The following MYH11 variants were observed in gnomAD, a reference collection of about 807,000 sequenced individuals.
The protein encoded by MYH11 is myosin-11.
Under a neutral mutation model 246.6 loss-of-function variants are expected in MYH11, and 80 were observed. The observed-to-expected ratio is 0.32, with a 90% CI of 0.27 to 0.39. The LOEUF is 0.39. Among genes scored for constraint, MYH11 ranks in the 10% least tolerant of loss-of-function variants. The pLI is 1.00. For synonymous variants in MYH11, 1,071 were observed against 1,015.5 expected (o/e 1.05, Z -1.04); for missense variants, 2,158 against 2,546.8 (o/e 0.85, Z 3.29).
chr16:15,712,942 C>T (rs2039903564), intron 40 of MYH11: 1 of 144,512 alleles, frequency 6.9e-6, no homozygotes. Flanking sequence ...CAACCTCTCT[C>T]TCCCGGTTTT....
At chr16:15,786,558 G>T (rs1405374098) in intron 5 of MYH11, 72 bp downstream of exon 5, 2 of 1,354,678 alleles carry the variant, frequency 1.5e-6, no homozygotes, top group Non-Finnish European at 1.1e-6. Context: ...TGTTCTGTTT[G>T]TATCTCGGTT....
intron 26 of MYH11, among the ~76,000 whole-genome samples, chr16:15,734,775 A>G (rs143427498): frequency 0.015 from 2,241 of 152,280 alleles, 45 homozygotes; most frequent in African/African-American, 0.045. Context: ...AGCTATTATT[A>G]GTGTTAGTGT....
In MYH11 at chr16:15,727,558, C is replaced by T. The variant is rs144738954; in HGVS notation, c.3652-504G>A. 5.9e-5 allele frequency among the ~76,000 whole-genome samples: 9 copies of T among 152,270 alleles called. No individual in the cohort carries two copies. In the East Asian group the frequency reaches 1.2e-3, roughly 20 times the overall value. ...GGGTTGCAATCTGGAATCCCACAAG[C>T]GGTATCCAACCTGCTGACATGTCCC... On this transcript the variant is annotated intron_variant, in intron 27 of 40. Coordinates refer to ENST00000300036, the MANE Select transcript of MYH11 (RefSeq NM_002474.3).
At chr16:15,738,416 G>A in intron 24 of MYH11, 149 bp downstream of exon 24, 1 of 690,004 alleles carries the variant, frequency 1.4e-6, no homozygotes, top group Non-Finnish European at 2.3e-6. Flanking sequence ...AGGAGGCTGA[G>A]GCAGGAGGAT....
intron 28 of MYH11, chr16:15,725,725 T>C: frequency 2.5e-6 from 1 of 398,802 alleles, no homozygotes; most frequent in Non-Finnish European, 4.4e-6. Context: ...GCTGTGGACA[T>C]GTTAAACATT....
chr16:15,720,388 C>G (rs999698534), intron 33 of MYH11, 76 bp from the exon 34 acceptor site: 1 of 1,538,458 alleles, frequency 6.5e-7, no homozygotes. Flanking sequence ...CAGCACATCA[C>G]TGCACCCCTT....
intron 8 of MYH11, among the ~76,000 whole-genome samples, chr16:15,772,595 C>T (rs997352770): frequency 1.1e-4 from 16 of 152,056 alleles, no homozygotes; most frequent in African/African-American, 3.9e-4. Context: ...GTACAATAGG[C>T]TTGCTATATA....
In MYH11 at chr16:15,727,066, A is replaced by T. The variant is rs1378688228; in HGVS notation, c.3652-12T>A. 3.7e-6 allele frequency: 6 copies of T among 1,612,470 alleles called. No homozygotes were observed. In the South Asian group the frequency reaches 6.6e-5, roughly 18 times the overall value. On this transcript the variant is annotated splice_polypyrimidine_tract_variant and intron_variant, in intron 27 of 40. Coordinates refer to ENST00000300036, the MANE Select transcript of MYH11 (RefSeq NM_002474.3). ...AGGTTCGCCTTGGCCTGGCGAAGGAAGCAGAGGGGAGGGATAACAGGGAGG... is the reference window on the plus strand; with the variant it reads ...AGGTTCGCCTTGGCCTGGCGAAGGATGCAGAGGGGAGGGATAACAGGGAGG...
intron 1 of MYH11, among the ~76,000 whole-genome samples, chr16:15,844,874 G>A (rs572709154): frequency 2.0e-5 from 3 of 152,094 alleles, no homozygotes; most frequent in Non-Finnish European, 2.9e-5. Context: ...CACAGAGAAC[G>A]AGAACATTTC....
chr16:15,717,042 G>T, intron 38 of MYH11, 98 bp downstream of exon 38: 1 of 1,317,314 alleles, frequency 7.6e-7, no homozygotes. Context: ...CTTCTTACAA[G>T]CCAGAACTGA....
intron 1 of MYH11, among the ~76,000 whole-genome samples, chr16:15,850,795 T>G (rs1234700142): frequency 1.3e-5 from 2 of 152,048 alleles, no homozygotes; most frequent in Non-Finnish European, 2.9e-5. Context: ...CTCGGGAGGC[T>G]GAGGTGGGAA....
At chr16:15,721,389 CAT>C in intron 32 of MYH11, 31 bp downstream of exon 32, 1 of 1,610,664 alleles carries the variant, frequency 6.2e-7, no homozygotes. Flanking sequence ...GCAGGCGAAA[CAT>C]GGACGAGAAA....
chr16:15,851,662 C>T (rs952494905), intron 1 of MYH11, among the ~76,000 whole-genome samples: 2 of 152,164 alleles, frequency 1.3e-5, no homozygotes, highest in Non-Finnish European at 2.9e-5. Context: ...GAAAGCCCTA[C>T]TTCACTTTTA....
intron 4 of MYH11, among the ~76,000 whole-genome samples, chr16:15,787,240 CTA>C (rs2042491917): frequency 6.6e-6 from 1 of 151,724 alleles, no homozygotes; most frequent in African/African-American, 2.4e-5. Flanking sequence ...AACCCTGACT[CTA>C]TAAAAAATAA....
intron 2 of MYH11, among the ~76,000 whole-genome samples, chr16:15,835,316 T>C (rs922005702): frequency 6.6e-6 from 1 of 152,188 alleles, no homozygotes; most frequent in African/African-American, 2.4e-5. Flanking sequence ...CACTAAACTG[T>C]GTGCCCAATA....
chr16:15,843,557 G>A (rs186316028), intron 1 of MYH11, among the ~76,000 whole-genome samples: 1,944 of 151,738 alleles, frequency 0.013, 46 homozygotes, highest in African/African-American at 0.042. Flanking sequence ...GCCGGGCGTG[G>A]TGGCGGCCGC....
chr16:15,744,717 G>A lies in MYH11; in HGVS notation c.2520+412C>T, dbSNP rs181058303. Among the ~76,000 whole-genome samples, 383 of 150,760 alleles carry A rather than the reference G, an allele frequency of 2.5e-3. 4 individuals carry two copies. Among genetic ancestry groups the A allele is most frequent in the African/African-American group, 9.0e-3 (369 of 40,876 alleles). On this transcript the variant is annotated intron_variant, in intron 20 of 40. Transcript: ENST00000300036. Reference sequence around the variant, plus strand: ...AGGGTTTTGCCATGTTGGCCAGGCTGGTTTTGAACTCCTGACCGCAAGTGA... The same window carrying A: ...AGGGTTTTGCCATGTTGGCCAGGCTAGTTTTGAACTCCTGACCGCAAGTGA...
intron 3 of MYH11, among the ~76,000 whole-genome samples, chr16:15,807,726 A>G (rs9302519): frequency 0.44 from 66,433 of 151,792 alleles, 14,696 homozygotes; most frequent in African/African-American, 0.5. Context: ...ATCCTTAAAC[A>G]TGCCTCTCTC....
At chr16:15,753,780 A>T (rs913186443) in intron 14 of MYH11, among the ~76,000 whole-genome samples, 1 of 152,144 alleles carries the variant, frequency 6.6e-6, no homozygotes, top group African/African-American at 2.4e-5. Flanking sequence ...CTGCTGTGGT[A>T]GCCTCCCTCC....
Sources: allele counts gnomAD v4.1 joint callset (sites outside exome capture counted in the v4.1 genomes callset), GRCh38; gene constraint gnomAD v4.1.1; transcripts MANE v1.5; gene names NCBI Gene and HGNC (gene_info 2026-07-23, HGNC 2026-07-21).